Variants in KIAA1217 observed in about 807,000 individuals in gnomAD.
KIAA1217 encodes the protein KIAA1217, also known as sickle tail protein homolog.
Under a neutral mutation model 163.9 loss-of-function variants are expected in KIAA1217, and 88 were observed. The observed-to-expected ratio is 0.54, with a 90% confidence interval of 0.45 to 0.64. KIAA1217 has a LOEUF of 0.64. KIAA1217 is among the 30% of genes least tolerant of loss of function. The pLI is 0.00. For missense variants in KIAA1217, 2,372 were observed against 2,475.0 expected (o/e 0.96, Z 0.88); for synonymous variants, 903 against 923.1 (o/e 0.98, Z 0.39).
intron 2 of KIAA1217, among the ~76,000 whole-genome samples, chr10:24,178,861 C>A (rs2066035096): frequency 6.6e-6 from 1 of 152,004 alleles, no homozygotes; most frequent in Non-Finnish European, 1.5e-5. Context: ...GGAAATGGGA[C>A]ATATGAGGAA....
At chr10:24,383,500 C>T (rs559686605) in intron 3 of KIAA1217, among the ~76,000 whole-genome samples, 35 of 152,320 alleles carry the variant, frequency 2.3e-4, no homozygotes, top group African/African-American at 8.2e-4. Context: ...CGGGTGTTTT[C>T]GCACGGGGTG....
At chr10:24,479,036 T>C (rs924443360) in intron 6 of KIAA1217, among the ~76,000 whole-genome samples, 3 of 152,210 alleles carry the variant, frequency 2.0e-5, no homozygotes, top group Non-Finnish European at 1.5e-5. Flanking sequence ...CAAATTAGCA[T>C]AGAGTTACAC....
At chr10:24,495,015 G>T (rs887327406) in intron 7 of KIAA1217, 132 bp from the exon 8 acceptor site, 14 of 720,940 alleles carry the variant, frequency 1.9e-5, no homozygotes, top group Non-Finnish European at 3.1e-5. Flanking sequence ...TTGTGATGCT[G>T]ATGCTAAAAT....
chr10:23,961,250 G>A (rs1022735114), intron 1 of KIAA1217, among the ~76,000 whole-genome samples: 6 of 152,118 alleles, frequency 3.9e-5, no homozygotes, highest in Non-Finnish European at 8.8e-5. Flanking sequence ...CTTTCTTGCA[G>A]TTGTATCCAG....
intron 1 of KIAA1217, among the ~76,000 whole-genome samples, chr10:24,004,351 T>A (rs981290799): frequency 7.2e-5 from 11 of 152,072 alleles, no homozygotes; most frequent in Non-Finnish European, 1.0e-4. Flanking sequence ...CATCTTTTTT[T>A]AAAAAAACCC....
rs755286853 is a variant in KIAA1217, at chr10:24,498,773, G to A, written c.1835-2606G>A. Among the ~76,000 whole-genome samples, 25 of 152,172 alleles carry A rather than the reference G, an allele frequency of 1.6e-4. 1 individual carries two copies. The highest frequency in any genetic ancestry group is 6.2e-4 in the South Asian group (3 of 4,828). On this transcript the variant is annotated intron_variant, in intron 8 of 20. Transcript: ENST00000376454. ...AGGTTGAGGCTCGGGGAATTGCACC[G>A]CTGCACTCAAGCCTGAGTGACAGAG...
At chr10:23,898,449 C>T (rs961824895) in intron 1 of KIAA1217, among the ~76,000 whole-genome samples, 1 of 151,850 alleles carries the variant, frequency 6.6e-6, no homozygotes, top group Admixed American at 6.6e-5. Flanking sequence ...CACAAAATCA[C>T]CTTACTTTTA....
intron 2 of KIAA1217, among the ~76,000 whole-genome samples, chr10:24,186,662 G>A (rs1009498840): frequency 2.6e-5 from 4 of 152,016 alleles, no homozygotes; most frequent in African/African-American, 9.7e-5. Flanking sequence ...AGGCTGAGGC[G>A]GGCAGATCAC....
At chr10:24,449,510 C>T in intron 5 of KIAA1217, 1 of 985,270 alleles carries the variant, frequency 1.0e-6, no homozygotes, top group Non-Finnish European at 1.2e-6. Context: ...AAAATGCCTT[C>T]CTACTCAGAA....
chr10:24,044,508 T>A (rs1348113347), intron 2 of KIAA1217, among the ~76,000 whole-genome samples: 3 of 151,748 alleles, frequency 2.0e-5, no homozygotes, highest in African/African-American at 7.3e-5. Flanking sequence ...ATTTCTGACT[T>A]TTTTTTTAAG....
intron 1 of KIAA1217, among the ~76,000 whole-genome samples, chr10:23,941,057 C>A (rs1342158199): frequency 6.6e-6 from 1 of 152,184 alleles, no homozygotes; most frequent in Non-Finnish European, 1.5e-5. Flanking sequence ...GTTCAAGTGC[C>A]TACAGCCCTG....
chr10:23,832,542 C>T (rs1280446670), intron 1 of KIAA1217, among the ~76,000 whole-genome samples: 2 of 152,074 alleles, frequency 1.3e-5, no homozygotes, highest in African/African-American at 2.4e-5. Context: ...AAGTTCCAAC[C>T]CTCTAATAAC....
At chr10:24,479,604 A>T (rs1244932479) in intron 6 of KIAA1217, among the ~76,000 whole-genome samples, 1 of 152,190 alleles carries the variant, frequency 6.6e-6, no homozygotes, top group Admixed American at 6.5e-5. Flanking sequence ...ATGTTGTCTT[A>T]GTCCATTCTG....
intron 1 of KIAA1217, among the ~76,000 whole-genome samples, chr10:23,934,421 A>G (rs558886076): frequency 4.6e-5 from 7 of 150,704 alleles, no homozygotes; most frequent in African/African-American, 1.5e-4. Flanking sequence ...GAATGGGCCA[A>G]TAGGTTCAGT....
rs145127306 is a variant in KIAA1217, at chr10:23,820,804, G to T, written c.-321+125570G>T. On this transcript the variant is annotated intron_variant, in intron 1 of 18. Transcript: ENST00000376462. ...TTGCTTTATGCCCAGTGTTTGTTTG[G>T]AGTTGGATGGCACTCATGTAGAAGA... is the stretch of plus-strand genomic sequence containing the variant. 3.7e-3 allele frequency among the ~76,000 whole-genome samples: 570 copies of T among 152,292 alleles called. 9 individuals are homozygous for T. The highest frequency in any genetic ancestry group is 0.013 in the African/African-American group (525 of 41,554).
chr10:23,762,318 A>T (rs900250103), intron 1 of KIAA1217, among the ~76,000 whole-genome samples: 2 of 152,084 alleles, frequency 1.3e-5, no homozygotes, highest in Non-Finnish European at 2.9e-5. Flanking sequence ...CACAACAAAA[A>T]AAAAAAAGAA....
chr10:24,185,846 T>C (rs905760441), intron 2 of KIAA1217, among the ~76,000 whole-genome samples: 1 of 151,604 alleles, frequency 6.6e-6, no homozygotes, highest in East Asian at 1.9e-4. Context: ...GTGCCTATAA[T>C]CCCAGCTACT....
intron 2 of KIAA1217, among the ~76,000 whole-genome samples, chr10:24,258,892 C>T (rs371852348): frequency 6.1e-4 from 93 of 152,240 alleles, no homozygotes; most frequent in African/African-American, 2.1e-3. Flanking sequence ...CGCGCCCGGC[C>T]GGCTTACATC....
intron 3 of KIAA1217, among the ~76,000 whole-genome samples, chr10:24,399,670 G>C (rs932972721): frequency 6.6e-6 from 1 of 152,180 alleles, no homozygotes; most frequent in Non-Finnish European, 1.5e-5. Context: ...CCAGCATGGA[G>C]AGAGTTAATG....
Sources: allele counts gnomAD v4.1 joint callset (sites outside exome capture counted in the v4.1 genomes callset), GRCh38; gene constraint gnomAD v4.1.1; transcripts MANE v1.5; gene names NCBI Gene and HGNC (gene_info 2026-07-23, HGNC 2026-07-21).